ZNF112: variants seen among roughly 807,000 people sequenced by gnomAD.
The protein encoded by ZNF112 is zinc finger protein 112 (Y14).
A neutral mutation model predicts 77.7 loss-of-function variants in ZNF112; 37 were observed. The observed-to-expected ratio is 0.48, with a 90% confidence interval of 0.37 to 0.63. ZNF112 has a LOEUF of 0.63. Ranked by LOEUF, ZNF112 falls within the 20% of genes least tolerant of loss-of-function variation. ZNF112 has a pLI of 0.00. For synonymous variants in ZNF112, 333 were observed against 363.6 expected, an observed-to-expected ratio of 0.92 and a Z score of 0.96; for missense variants, 950 against 1,077.4, an observed-to-expected ratio of 0.88 and a Z score of 1.66.
chr19:44,343,364 T>C, intron 1 of ZNF112: 4 of 1,398,780 alleles, frequency 2.9e-6, no homozygotes, highest in Non-Finnish European at 4.0e-6. Context: ...CGTATCTTTG[T>C]GCAAATTAGA....
At chr19:44,358,066 G>A (rs970083135), upstream of ZNF112, among the ~76,000 whole-genome samples, 1 of 151,410 alleles carries the variant, frequency 6.6e-6, no homozygotes, top group Non-Finnish European at 1.5e-5. Context: ...GCAGGAGAAT[G>A]GCGTGAACCC....
chr19:44,332,581 T>C (rs1022414662), intron 3 of ZNF112, among the ~76,000 whole-genome samples: 2 of 152,248 alleles, frequency 1.3e-5, no homozygotes, highest in East Asian at 3.8e-4. Context: ...TTTACTATTA[T>C]AAAAAACACT....
At position 44,338,785 on chromosome 19, in the gene ZNF112, G is replaced by A. The variant is rs112428323; in HGVS notation, c.124+1631C>T. ...ATGCTTTAAAGAATAAAATTAGGCT[G>A]GTCGTGGTGACTCATGCCTGTAATC... On this transcript the variant is annotated intron_variant, in intron 2 of 3. Coordinates refer to ENST00000354340, the MANE Select transcript of ZNF112 (RefSeq NM_013380.4). Among the ~76,000 whole-genome samples, 1,184 of 152,270 alleles carry A rather than the reference G, an allele frequency of 7.8e-3. 18 individuals carry two copies. Among genetic ancestry groups the A allele is most frequent in the African/African-American group, 0.027 (1,117 of 41,554 alleles).
Position 44,353,437 on chromosome 19 carries a change from T to G in ZNF112, c.-4+3189A>C, listed in dbSNP as rs1215718376. ...AATTTTGTTCTGCAAAAGACACTATTAAGAGAATGAAAAGACAAGCTACAG... is the reference window on the plus strand; with the variant it reads ...AATTTTGTTCTGCAAAAGACACTATGAAGAGAATGAAAAGACAAGCTACAG... On this transcript the variant is annotated intron_variant, in intron 1 of 3. Coordinates refer to ENST00000354340, the MANE Select transcript of ZNF112 (RefSeq NM_013380.4). 7.9e-5 allele frequency among the ~76,000 whole-genome samples: 12 copies of G among 152,016 alleles called. No individual in the cohort carries two copies. In the East Asian group the frequency reaches 2.3e-3, roughly 29 times the overall value.
chr19:44,359,490 AT>A (rs1304123635), upstream of ZNF112, among the ~76,000 whole-genome samples: 1 of 151,392 alleles, frequency 6.6e-6, no homozygotes, highest in Admixed American at 6.6e-5. Context: ...CGCCCAGCTA[AT>A]TTTTGTATTA....
intron 1 of ZNF112, 45 bp from the exon 2 acceptor site, chr19:44,340,587 A>G (rs1290473632): frequency 6.2e-7 from 1 of 1,612,778 alleles, no homozygotes; most frequent in Non-Finnish European, 8.5e-7. Flanking sequence ...GAAGAAGGGC[A>G]GTGCTGAGAA....
chr19:44,333,714 T>C (rs1377717346), intron 3 of ZNF112, among the ~76,000 whole-genome samples: 1 of 152,208 alleles, frequency 6.6e-6, no homozygotes, highest in African/African-American at 2.4e-5. Flanking sequence ...ATAAGTTTCC[T>C]GAGGCCTCCC....
chr19:44,341,736 T>C (rs536883141), intron 1 of ZNF112, among the ~76,000 whole-genome samples: 6 of 152,232 alleles, frequency 3.9e-5, no homozygotes, highest in African/African-American at 1.2e-4. Flanking sequence ...TTTTCTTCCA[T>C]GGACATTGTA....
chr19:44,365,545 G>A (rs1238997811), intron 1 of ZNF112, among the ~76,000 whole-genome samples: 1 of 151,712 alleles, frequency 6.6e-6, no homozygotes, highest in Non-Finnish European at 1.5e-5. Flanking sequence ...AACTATCTAG[G>A]TTATCCTAGA....
intron 1 of ZNF112, among the ~76,000 whole-genome samples, chr19:44,354,822 T>C (rs1021507373): frequency 1.3e-5 from 2 of 152,194 alleles, no homozygotes; most frequent in African/African-American, 4.8e-5. Context: ...GCAAACTCTA[T>C]ACTGGAACAC....
At chr19:44,348,467 C>T (rs1476569248) in intron 1 of ZNF112, among the ~76,000 whole-genome samples, 1 of 152,078 alleles carries the variant, frequency 6.6e-6, no homozygotes, top group African/African-American at 2.4e-5. Flanking sequence ...CAGTCTGCTA[C>T]TGAGCCCATC....
chr19:44,335,542 A>G (rs1279997700), intron 3 of ZNF112, among the ~76,000 whole-genome samples: 1 of 152,252 alleles, frequency 6.6e-6, no homozygotes, highest in Admixed American at 6.5e-5. Flanking sequence ...TGACAGTATC[A>G]GGAAGGTAGA....
rs1241167947 is a variant in ZNF112, at chr19:44,346,591, A to ACCT, written c.-3-6050_-3-6049insAGG. Among the ~76,000 whole-genome samples the ACCT allele has an allele frequency of 2.6e-5, 4 of 152,332 alleles. No homozygotes were observed. The East Asian group carries it at 7.7e-4, about 29-fold the overall frequency. On this transcript the variant is annotated intron_variant, in intron 1 of 3. Transcript: ENST00000354340. Reference sequence around the variant, plus strand: ...ACTGATCAGAGATAAGGGACAGGGAATATTCACATCTTTTATTCTCCCACA... The same window carrying ACCT: ...ACTGATCAGAGATAAGGGACAGGGAACCTTATTCACATCTTTTATTCTCCCACA...
At chr19:44,336,762 C>T in intron 2 of ZNF112, 44 bp from the exon 3 acceptor site, 1 of 1,526,942 alleles carries the variant, frequency 6.5e-7, no homozygotes, top group Non-Finnish European at 9.1e-7. Flanking sequence ...AGTTTGATGA[C>T]ATTCAATTGG....
chr19:44,365,076 T>C (rs1970890328), intron 1 of ZNF112, among the ~76,000 whole-genome samples: 1 of 152,196 alleles, frequency 6.6e-6, no homozygotes, highest in Admixed American at 6.5e-5. Context: ...AAATGTTTAG[T>C]AGAATCCACC....
intron 1 of ZNF112, among the ~76,000 whole-genome samples, chr19:44,346,188 C>A (rs1049083916): frequency 1.3e-5 from 2 of 152,190 alleles, no homozygotes; most frequent in Non-Finnish European, 2.9e-5. Flanking sequence ...AGAGCCCAGG[C>A]TACAGAATCA....
intron 1 of ZNF112, among the ~76,000 whole-genome samples, chr19:44,353,915 T>C (rs1046914708): frequency 1.3e-5 from 2 of 152,034 alleles, no homozygotes; most frequent in Non-Finnish European, 2.9e-5. Context: ...AAACTGTACA[T>C]GAATGTTTAT....
upstream of ZNF112, among the ~76,000 whole-genome samples, chr19:44,359,053 T>C (rs148342309): frequency 6.6e-6 from 1 of 152,326 alleles, no homozygotes; most frequent in East Asian, 1.9e-4. Flanking sequence ...GTAAACATTA[T>C]TAAACAACTT....
Position 44,326,749 on chromosome 19 carries a change from C to T in ZNF112, c.*684G>A, listed in dbSNP as rs754123079. On this transcript the variant is annotated 3_prime_UTR_variant, in exon 4 of 4. Transcript: ENST00000354340. ...TTTGTACTGATATTTCAAGTGCACA[C>T]ATGGGTACATATACACACACACAAA... 6 of 152,120 alleles carry T rather than the reference C, an allele frequency of 3.9e-5. No homozygotes were observed. Among genetic ancestry groups the T allele is most frequent in the Non-Finnish European group, 5.9e-5 (4 of 68,036 alleles). 9.4% of individuals were successfully genotyped at this position (152,120 alleles called of 1,614,324 possible).
Sources: gnomAD v4.1 joint callset for allele counts (sites outside exome capture counted in the v4.1 genomes callset) on GRCh38, gnomAD v4.1.1 for gene constraint, MANE v1.5 for transcripts, NCBI Gene and HGNC (gene_info 2026-07-23, HGNC 2026-07-21) for gene names.